The following ENTPD8 variants were observed in gnomAD, a reference collection of about 807,000 sequenced individuals.
The protein encoded by ENTPD8 is E-NTPDase 8.
In ENTPD8, 35 loss-of-function variants were observed where a neutral mutation model predicts 47.0. That is an observed-to-expected ratio of 0.75 (90% confidence interval 0.57 to 0.99). ENTPD8 has a LOEUF of 0.99. Among genes scored for constraint, ENTPD8 ranks in the 50% least tolerant of loss-of-function variants. ENTPD8 has a pLI of 0.00. For missense variants in ENTPD8, 668 were observed against 649.9 expected, an observed-to-expected ratio of 1.03 and a Z score of -0.30; for synonymous variants, 308 against 290.5, an observed-to-expected ratio of 1.06 and a Z score of -0.61.
At chr9:137,436,334 C>T in intron 6 of ENTPD8, 58 bp from the exon 7 acceptor site, 1 of 1,482,318 alleles carries the variant, frequency 6.7e-7, no homozygotes, top group Non-Finnish European at 9.0e-7. Flanking sequence ...TGTGCCCCTC[C>T]CCGGGGCCGG....
In ENTPD8 at chr9:137,434,546, G is replaced by A. The variant is rs1233547529; in HGVS notation, c.*368C>T. 8.2e-5 allele frequency: 56 copies of A among 679,346 alleles called. No individual in the cohort carries two copies. The East Asian group carries it at 1.1e-3, about 13-fold the overall frequency. 42.1% of individuals were successfully genotyped at this position (679,346 alleles called of 1,614,324 possible). ...AGCTCCCTCCCTTCCACCCCTCTCCGCCCCTCCTGAGGCCCCATCAGGAGC... is the reference window on the plus strand; with the variant it reads ...AGCTCCCTCCCTTCCACCCCTCTCCACCCCTCCTGAGGCCCCATCAGGAGC... On this transcript the variant is annotated 3_prime_UTR_variant, in exon 10 of 10. Coordinates refer to ENST00000371506, the MANE Select transcript of ENTPD8 (RefSeq NM_001033113.2).
chr9:137,435,957 A>C (rs1839337384), intron 7 of ENTPD8, 56 bp downstream of exon 7: 2 of 1,604,628 alleles, frequency 1.2e-6, no homozygotes, highest in Non-Finnish European at 1.7e-6. Flanking sequence ...TCAGACAGGC[A>C]CCTGAGGCCT....
rs1180577597 is a variant in ENTPD8, at chr9:137,436,584, A to T, written c.723T>A (p.Thr241=). 1 of 1,612,000 alleles carries T rather than the reference A, an allele frequency of 6.2e-7. No homozygotes were observed. The highest frequency in any genetic ancestry group is 1.1e-5 in the South Asian group (1 of 90,864). The change falls in exon 6 of 10, where the codon ACT becomes ACA. Residue 241 remains threonine, a synonymous_variant. Transcript: ENST00000371506. ...CCCGTCCAAAGCACAGGTAGCTGTG[A>T]GTGTAGACGCTGTAGTCGGAGCCGT... is the stretch of plus-strand genomic sequence containing the variant. The part of the protein sequence containing the change: ...RLYGSDYSVY[T]HSYLCFGRDQ...
chr9:137,434,526 C>T lies in ENTPD8; in HGVS notation c.*388G>A, dbSNP rs1476770793. On this transcript the variant is annotated 3_prime_UTR_variant, in exon 10 of 10. Transcript: ENST00000371506. ...AGCGGGGGTCCAGGTGGGGCAGCTC[C>T]CTCCCTTCCACCCCTCTCCGCCCCT... is the stretch of plus-strand genomic sequence containing the variant. 10 of 799,842 alleles carry T rather than the reference C, an allele frequency of 1.3e-5. No homozygotes were observed. The highest frequency in any genetic ancestry group is 1.9e-5 in the Non-Finnish European group (10 of 515,100). The allele number at this position is 799,842 out of a possible 1,614,324, so 49.5% of individuals were successfully genotyped here.
Position 137,441,343 on chromosome 9 carries a change from T to C in ENTPD8, c.-78A>G. The C allele has an allele frequency of 4.3e-6, 1 of 232,240 alleles. No homozygotes were observed. The highest frequency in any genetic ancestry group is 4.2e-5 in the South Asian group (1 of 23,830). The allele number at this position is 232,240 out of a possible 1,614,324, so 14.4% of individuals were successfully genotyped here. On this transcript the variant is annotated 5_prime_UTR_variant, in exon 1 of 10. Transcript: ENST00000371506. ...GGAGGAAGCTGTGCTTAGACGCTTC[T>C]GTGTCCGCGCACCTGGCGTCCAGCC... is the stretch of plus-strand genomic sequence containing the variant.
At position 137,434,745 on chromosome 9, in the gene ENTPD8, T is replaced by C. The variant is rs1410347132; in HGVS notation, c.*169A>G. 27 of 872,284 alleles carry C rather than the reference T, an allele frequency of 3.1e-5. 1 individual carries two copies. In the East Asian group the frequency reaches 5.0e-4, roughly 16 times the overall value. The allele number at this position is 872,284 out of a possible 1,614,324, so 54.0% of individuals were successfully genotyped here. On this transcript the variant is annotated 3_prime_UTR_variant, in exon 10 of 10. Coordinates refer to ENST00000371506, the MANE Select transcript of ENTPD8 (RefSeq NM_001033113.2). Reference sequence around the variant, plus strand: ...GGAGGGACGCCGGGAGGGGAGGTCATGCAGCCTCTGTGGCCAGCACCACCC... The same window carrying C: ...GGAGGGACGCCGGGAGGGGAGGTCACGCAGCCTCTGTGGCCAGCACCACCC...
Position 137,434,846 on chromosome 9 carries a change from C to T in ENTPD8, c.*68G>A. The T allele has an allele frequency of 2.0e-6, 3 of 1,492,032 alleles. No individual in the cohort carries two copies. Among genetic ancestry groups the T allele is most frequent in the Non-Finnish European group, 2.7e-6 (3 of 1,119,232 alleles). 92.4% of individuals were successfully genotyped at this position (1,492,032 alleles called of 1,614,324 possible). ...GCAAGGCCCCACGGCGCTCAGGGCT[C>T]AGGAAGCCTCCAGCATCCGGGACGC... On this transcript the variant is annotated 3_prime_UTR_variant, in exon 10 of 10. Transcript: ENST00000371506.
intron 1 of ENTPD8, among the ~76,000 whole-genome samples, chr9:137,439,766 C>G (rs1839468705): frequency 6.6e-6 from 1 of 152,062 alleles, no homozygotes; most frequent in Non-Finnish European, 1.5e-5. Context: ...CTGAGACCCC[C>G]AGGCCTGAGC....
Position 137,438,933 on chromosome 9 carries a change from C to T in ENTPD8, c.-20-628G>A, listed in dbSNP as rs1378441000. ...CCCGTGCCACCCTCCCCAGGAGCAG[C>T]CACAGCTCCAGCCTGCACTGGGGGC... On this transcript the variant is annotated intron_variant, in intron 1 of 9. Coordinates refer to ENST00000371506, the MANE Select transcript of ENTPD8 (RefSeq NM_001033113.2). This position sits in a 1 kb window ranked among gnomAD's most constrained non-coding sequence, Gnocchi z 5.7. Among the ~76,000 whole-genome samples the T allele has an allele frequency of 6.6e-6, 1 of 152,122 alleles. No individual in the cohort carries two copies. The highest frequency in any genetic ancestry group is 1.9e-4 in the East Asian group (1 of 5,178).
At position 137,435,262 on chromosome 9, in the gene ENTPD8, A is replaced by C. The variant is rs753529973; in HGVS notation, c.1238T>G (p.Leu413Arg). The C allele has an allele frequency of 1.9e-6, 3 of 1,612,552 alleles. No homozygotes were observed. The highest frequency in any genetic ancestry group is 3.3e-5 in the Admixed American group (2 of 60,020). The change falls in exon 9 of 10, where the codon CTG becomes CGG. Residue 413 changes from leucine (L) to arginine (R), a missense_variant. Coordinates refer to ENST00000371506, the MANE Select transcript of ENTPD8 (RefSeq NM_001033113.2). ...CTCGCTGAACCCGTAGCCCTCGTGC[A>C]GGAGGGTGAGGATGTACAGGCCTGA... ...CASGLYILTL[L>R]HEGYGFSEET...
At chr9:137,439,042 T>C (rs1358677583) in intron 1 of ENTPD8, among the ~76,000 whole-genome samples, 1 of 152,094 alleles carries the variant, frequency 6.6e-6, no homozygotes, top group Non-Finnish European at 1.5e-5. Flanking sequence ...AGGGGACTGT[T>C]GCCGAGGGGC....
chr9:137,435,952 C>G (rs1325832251), intron 7 of ENTPD8, 61 bp downstream of exon 7: 1 of 1,603,818 alleles, frequency 6.2e-7, no homozygotes, highest in East Asian at 2.2e-5. Flanking sequence ...TGGAGTCAGA[C>G]AGGCACCTGA....
rs1199241515 is a variant in ENTPD8 at position 137,434,502 on chromosome 9, G to T, written c.*412C>A. ...ATCTGCTCAGACAACAGCAGGGAGA[G>T]CGGGGGTCCAGGTGGGGCAGCTCCC... On this transcript the variant is annotated 3_prime_UTR_variant, in exon 10 of 10. Coordinates refer to ENST00000371506, the MANE Select transcript of ENTPD8 (RefSeq NM_001033113.2). 1.6e-5 allele frequency: 17 copies of T among 1,057,092 alleles called. No individual in the cohort carries two copies. In the East Asian group the frequency reaches 4.0e-4, roughly 25 times the overall value. The allele number at this position is 1,057,092 out of a possible 1,614,324, so 65.5% of individuals were successfully genotyped here. A position where few individuals can be genotyped will look rare whatever the true frequency, so the allele number is the denominator to read the frequency against.
chr9:137,437,935 C>T (rs778036942), intron 3 of ENTPD8, 32 bp downstream of exon 3: 2 of 1,573,598 alleles, frequency 1.3e-6, no homozygotes, highest in Non-Finnish European at 1.7e-6. Context: ...ACAGGCAGGT[C>T]CCAGCACCGG....
rs1481188309 is a variant in ENTPD8 at position 137,437,167 on chromosome 9, C to T, written c.387G>A (p.Arg129=). The T allele has an allele frequency of 1.2e-6, 2 of 1,612,504 alleles. No individual in the cohort carries two copies. The highest frequency in any genetic ancestry group is 1.3e-5 in the African/African-American group (1 of 74,942). The change falls in exon 4 of 10, where the codon AGG becomes AGA. Residue 129 remains arginine (R), a synonymous_variant. Transcript: ENST00000371506. ...PTFLGATAGM[R]LLSRKNSSQA... ...GGCCATGCCTGCCTCACCTGAGCAA[C>T]CTCATGCCAGCCGTGGCCCCCAGGA...
chr9:137,434,433 G>C lies in ENTPD8; in HGVS notation c.*481C>G, dbSNP rs1434649349. ...TCTCACCCTCCAAGTGGGTGTGGGA[G>C]GCCGGGCTGGCCCAGCAGAAGCCCC... is the stretch of plus-strand genomic sequence containing the variant. On this transcript the variant is annotated 3_prime_UTR_variant, in exon 10 of 10. Transcript: ENST00000371506. 2 of 1,477,358 alleles carry C rather than the reference G, an allele frequency of 1.4e-6. No homozygotes were observed. Among genetic ancestry groups the C allele is most frequent in the Non-Finnish European group, 1.8e-6 (2 of 1,107,982 alleles). The allele number at this position is 1,477,358 out of a possible 1,614,324, so 91.5% of individuals were successfully genotyped here.
chr9:137,436,237 T>G lies in ENTPD8; in HGVS notation c.826A>C (p.Ser276Arg), dbSNP rs779210463. The change falls in exon 7 of 10, where the codon AGC (serine) becomes CGC (arginine). Residue 276 changes from serine (S) to arginine (R), a missense_variant. Physicochemically the swap from Ser to Arg is moderately radical, Grantham distance 110. Coordinates refer to ENST00000371506, the MANE Select transcript of ENTPD8 (RefSeq NM_001033113.2). ...AALLRHPCYLSGYQTTLALGP... is the reference protein window; with the variant it reads ...AALLRHPCYLRGYQTTLALGP... The stretch of plus-strand genomic sequence containing the variant: ...AGGGCCAGTGTGGTCTGGTAGCCGC[T>G]GAGGTAGCACGGGTGACGGAGCAGG... 5.0e-6 allele frequency: 8 copies of G among 1,607,438 alleles called. No homozygotes were observed. The highest frequency in any genetic ancestry group is 5.1e-6 in the Non-Finnish European group (6 of 1,176,048).
chr9:137,435,991 TG>T (rs1208764689), intron 7 of ENTPD8, 21 bp downstream of exon 7: 3 of 1,610,098 alleles, frequency 1.9e-6, no homozygotes, highest in Non-Finnish European at 2.5e-6. Flanking sequence ...GGACCCCTGG[TG>T]GGGGCAGTGT....
In ENTPD8 at chr9:137,436,106, G is replaced by A. The variant is rs138326341; in HGVS notation, c.957C>T (p.Ala319=). ...GTGNPGACVS[A]IRELFNFSSC... ...TGGAGAAGTTGAAAAGTTCCCGGAT[G>A]GCTGAGACGCAGGCTCCAGGGTTGC... Residue 319 remains alanine (A), a synonymous_variant, in exon 7 of 10, where the codon GCC becomes GCT. Coordinates refer to ENST00000371506, the MANE Select transcript of ENTPD8 (RefSeq NM_001033113.2). The A allele has an allele frequency of 6.2e-7, 1 of 1,613,040 alleles. No individual in the cohort carries two copies. The highest frequency in any genetic ancestry group is 1.7e-5 in the Admixed American group (1 of 60,030).
Sources: allele counts gnomAD v4.1 joint callset (sites outside exome capture counted in the v4.1 genomes callset), GRCh38; gene constraint gnomAD v4.1.1; non-coding constraint Gnocchi (gnomAD v3.1); transcripts MANE v1.5; gene names NCBI Gene and HGNC (gene_info 2026-07-23, HGNC 2026-07-21).